The following NCOR2 variants were observed in gnomAD, a reference collection of about 807,000 sequenced individuals.
NCOR2 encodes nuclear receptor corepressor 2, also known as CTG repeat protein 26.
Under a neutral mutation model 262.9 loss-of-function variants are expected in NCOR2, and 81 were observed. That is an observed-to-expected ratio of 0.31 (90% CI 0.26 to 0.37). The LOEUF (loss-of-function observed/expected upper bound fraction) is 0.37. Ranked by LOEUF, NCOR2 falls within the 10% of genes least tolerant of loss-of-function variation. NCOR2 has a pLI of 1.00. For synonymous variants in NCOR2, 1,659 were observed against 1,559.3 expected (o/e 1.06, Z -1.51); for missense variants, 3,385 against 3,621.4 (o/e 0.93, Z 1.68).
In NCOR2 at chr12:124,483,611, A is replaced by C. The variant is rs764571730; in HGVS notation, c.396T>G (p.Ser132=). The stretch of plus-strand genomic sequence containing the variant: ...CCAGGCTTACCTTGGTGAGGTCTTC[A>C]GATCCCGCAGGCTGGCCCGTGGCCA... Residue 132 remains serine, a synonymous_variant, in exon 3 of 47, where the codon TCT becomes TCG. Transcript: ENST00000405201. The surrounding 1 kb of genome is among the most constrained non-coding windows in gnomAD (Gnocchi z 6.3). 1.2e-6 allele frequency: 2 copies of C among 1,603,718 alleles called. No homozygotes were observed. Among genetic ancestry groups the C allele is most frequent in the Non-Finnish European group, 1.7e-6 (2 of 1,175,568 alleles).
In NCOR2 at chr12:124,531,932, G is replaced by A. The variant is rs889419392; in HGVS notation, c.-118+3633C>T. 2.0e-5 allele frequency among the ~76,000 whole-genome samples: 3 copies of A among 148,836 alleles called. No homozygotes were observed. The highest frequency in any genetic ancestry group is 3.0e-5 in the Non-Finnish European group (2 of 67,530). On this transcript the variant is annotated intron_variant, in intron 1 of 46. Coordinates refer to the NCOR2 transcript ENST00000404621. The surrounding 1 kb of genome is among the most constrained non-coding windows in gnomAD (Gnocchi z 4.5). The stretch of plus-strand genomic sequence containing the variant: ...ATCCACTCACAGAGTTTCGAGTCAC[G>A]GGCAACCCACTTTTGGGGCCAGGGG...
At chr12:124,349,665 C>T (rs1458603206) in intron 28 of NCOR2, among the ~76,000 whole-genome samples, 3 of 152,136 alleles carry the variant, frequency 2.0e-5, no homozygotes, top group African/African-American at 7.2e-5. Flanking sequence ...AGTTTAAAGG[C>T]CCCGACTGAA....
Position 124,565,881 on chromosome 12 carries a change from TCA to T in NCOR2, c.-165+1425_-165+1426del, listed in dbSNP as rs2052221256. ...GAGGTGCAGAGTGGGCCATCCCACC[TCA>T]CTGCTGCTTGCCATTTCTCGGCCCC... On this transcript the variant is annotated intron_variant, in intron 1 of 32. Coordinates refer to the NCOR2 transcript ENST00000458234. Among the ~76,000 whole-genome samples, 4 of 152,232 alleles carry T rather than the reference TCA, an allele frequency of 2.6e-5. No individual in the cohort carries two copies. In the South Asian group the frequency reaches 8.3e-4, roughly 32 times the overall value.
intron 34 of NCOR2, among the ~76,000 whole-genome samples, chr12:124,341,412 G>T (rs868389433): frequency 1.3e-5 from 2 of 152,122 alleles, no homozygotes; most frequent in East Asian, 1.9e-4. Flanking sequence ...GCTAATTTTT[G>T]TATTTTTAGG....
chr12:124,374,248 A>G (rs539973264), intron 19 of NCOR2, among the ~76,000 whole-genome samples, 165 bp downstream of exon 21: 1 of 152,356 alleles, frequency 6.6e-6, no homozygotes, highest in East Asian at 1.9e-4. Flanking sequence ...CATGGGGAAC[A>G]GCCACTGTGC....
intron 11 of NCOR2, among the ~76,000 whole-genome samples, chr12:124,424,545 T>C (rs1186189221): frequency 2.0e-5 from 3 of 152,264 alleles, no homozygotes; most frequent in East Asian, 1.9e-4. Context: ...GTTTCAACAT[T>C]TCCATAATCA....
rs575757895 is a variant in NCOR2 at position 124,396,431 on chromosome 12, C to T, written c.1876+1688G>A. On this transcript the variant is annotated intron_variant, in intron 16 of 46. Transcript: ENST00000405201. Reference sequence around the variant, plus strand: ...TTGCAGCCTATAATGAAATACATGCCAGAAACCACCAAGTGGACATTAAAG... The same window carrying T: ...TTGCAGCCTATAATGAAATACATGCTAGAAACCACCAAGTGGACATTAAAG... Among the ~76,000 whole-genome samples, 25 of 152,290 alleles carry T rather than the reference C, an allele frequency of 1.6e-4. No homozygotes were observed. The East Asian group carries it at 4.4e-3, about 27-fold the overall frequency.
chr12:124,557,436 T>G (rs930464340), intron 1 of NCOR2, among the ~76,000 whole-genome samples: 3 of 152,232 alleles, frequency 2.0e-5, no homozygotes, highest in Non-Finnish European at 2.9e-5. Context: ...CTCCAGCCTC[T>G]GCCTCCATTA....
At chr12:124,363,411 T>C (rs77406635) in intron 21 of NCOR2, among the ~76,000 whole-genome samples, 19,948 of 152,148 alleles carry the variant, frequency 0.13, 1,493 homozygotes, top group African/African-American at 0.17. Flanking sequence ...CATGACCCAG[T>C]ATCTAATCTG....
At chr12:124,495,444 G>T, upstream of NCOR2, 1 of 1,170,468 alleles carries the variant, frequency 8.5e-7, no homozygotes, top group South Asian at 1.7e-5. This position sits in a 1 kb window ranked among gnomAD's most constrained non-coding sequence, Gnocchi z 4.4. Context: ...TCCCCGAGTC[G>T]TTCCTGTGGT....
At position 124,504,154 on chromosome 12, in the gene NCOR2, G is replaced by A. The variant is rs377616379; in HGVS notation, c.-117-8786C>T. On this transcript the variant is annotated intron_variant, in intron 1 of 46. Coordinates refer to the NCOR2 transcript ENST00000404621. This position sits in a 1 kb window ranked among gnomAD's most constrained non-coding sequence, Gnocchi z 4.5. ...CACATCTTCCCCTTGAGCTGGGTTC[G>A]AGGAGAAAGGCCGAGAGGACTCCAG... is the stretch of plus-strand genomic sequence containing the variant. Among the ~76,000 whole-genome samples, 299 of 152,310 alleles carry A rather than the reference G, an allele frequency of 2.0e-3. No homozygotes were observed. Among genetic ancestry groups the A allele is most frequent in the African/African-American group, 6.9e-3 (285 of 41,564 alleles).
At position 124,482,543 on chromosome 12, in the gene NCOR2, C is replaced by G. The variant is rs1287523765; in HGVS notation, c.411+1053G>C. 6.6e-6 allele frequency among the ~76,000 whole-genome samples: 1 copy of G among 152,224 alleles called. No individual in the cohort carries two copies. The highest frequency in any genetic ancestry group is 1.5e-5 in the Non-Finnish European group (1 of 68,044). Reference sequence around the variant, plus strand: ...CGCATGGGGCCCACAGCCGAGCCCTCTACCCACATGACCAGGTGACACCCT... The same window carrying G: ...CGCATGGGGCCCACAGCCGAGCCCTGTACCCACATGACCAGGTGACACCCT... On this transcript the variant is annotated intron_variant, in intron 3 of 46. Coordinates refer to ENST00000405201, the Ensembl canonical transcript of NCOR2. This position sits in a 1 kb window ranked among gnomAD's most constrained non-coding sequence, Gnocchi z 6.3.
intron 5 of NCOR2, among the ~76,000 whole-genome samples, chr12:124,459,918 C>G (rs2046075561): frequency 6.6e-6 from 1 of 152,190 alleles, no homozygotes; most frequent in Non-Finnish European, 1.5e-5. Context: ...GCCACTACTG[C>G]CTCTGAGCCT....
chr12:124,438,811 GGAGACCC>G (rs2044572036), intron 7 of NCOR2, among the ~76,000 whole-genome samples: 5 of 15,536 alleles, frequency 3.2e-4, no homozygotes, highest in South Asian at 2.4e-3. Flanking sequence ...AGAGAGAGAC[GGAGACCC>G]AGAGAGAGGG....
intron 13 of NCOR2, among the ~76,000 whole-genome samples, chr12:124,405,905 G>T (rs1336491828): frequency 6.6e-6 from 1 of 152,190 alleles, no homozygotes; most frequent in Non-Finnish European, 1.5e-5. Flanking sequence ...CCGGGCCACT[G>T]GGGGCCATGG....
intron 4 of NCOR2, among the ~76,000 whole-genome samples, chr12:124,467,001 ATCATCC>A (rs1202795820): frequency 1.9e-5 from 1 of 52,348 alleles, no homozygotes; most frequent in Non-Finnish European, 3.6e-5. Context: ...CATCACCCCC[ATCATCC>A]TCATCCTCAC....
chr12:124,488,957 C>T (rs2047928694), intron 1 of NCOR2, among the ~76,000 whole-genome samples: 1 of 151,838 alleles, frequency 6.6e-6, no homozygotes, highest in Non-Finnish European at 1.5e-5. Context: ...ATCTTGGGTG[C>T]CGTTTCTGCC....
exon 45 of NCOR2, chr12:124,327,598 G>T: frequency 6.2e-7 from 1 of 1,612,676 alleles, no homozygotes; most frequent in Non-Finnish European, 8.5e-7. Context: ...GTGCTGGCAT[G>T]TTCCTGCACC....
chr12:124,484,933 C>T (rs146700870), intron 2 of NCOR2, among the ~76,000 whole-genome samples: 2,172 of 152,332 alleles, frequency 0.014, 20 homozygotes, highest in Middle Eastern at 0.051. Flanking sequence ...CACTGCAGCA[C>T]GGGCTGGGGC....
Sources: allele counts gnomAD v4.1 joint callset (sites outside exome capture counted in the v4.1 genomes callset), GRCh38; gene constraint gnomAD v4.1.1; non-coding constraint Gnocchi (gnomAD v3.1); transcripts MANE v1.5; gene names NCBI Gene and HGNC (gene_info 2026-07-23, HGNC 2026-07-21).